SLC6A16: variants seen among roughly 807,000 people sequenced by gnomAD.
The protein encoded by SLC6A16 is solute carrier family 6 member 16, also known as orphan sodium- and chloride-dependent neurotransmitter transporter NTT5.
In SLC6A16, 54 loss-of-function variants were observed where a neutral mutation model predicts 65.4. The ratio of observed to expected loss-of-function variants is 0.83; its 90% confidence interval spans 0.66 to 1.04. The LOEUF (loss-of-function observed/expected upper bound fraction) is 1.04, where lower values mean the gene tolerates loss of function less well. SLC6A16 is among the 50% of genes least tolerant of loss of function. The probability of loss-of-function intolerance (pLI) is 0.00; values close to 1 mark genes in which losing one functional copy is unlikely to be tolerated. For missense variants in SLC6A16, 816 were observed against 914.0 expected, an observed-to-expected ratio of 0.89 and a Z score of 1.38; for synonymous variants, 330 against 346.5, an observed-to-expected ratio of 0.95 and a Z score of 0.53.
chr19:49,293,609 C>A (rs931643817), intron 9 of SLC6A16, among the ~76,000 whole-genome samples: 6 of 152,116 alleles, frequency 3.9e-5, no homozygotes, highest in African/African-American at 1.4e-4. Flanking sequence ...ACAAAAGCTA[C>A]AAAACTTAGC....
chr19:49,309,875 T>G (rs749835699), intron 4 of SLC6A16, 49 bp from the exon 5 acceptor site: 3 of 1,591,648 alleles, frequency 1.9e-6, no homozygotes, highest in Admixed American at 1.7e-5. Context: ...GTACCCCCTC[T>G]TCTTCCTTAT....
At chr19:49,304,807 A>AT (rs1182464174) in intron 7 of SLC6A16, among the ~76,000 whole-genome samples, 3 of 152,212 alleles carry the variant, frequency 2.0e-5, no homozygotes, top group Admixed American at 1.3e-4. Flanking sequence ...ATCATCCAAT[A>AT]TTTTTTTTAA....
At chr19:49,326,891 C>A (rs1036314701), upstream of SLC6A16, among the ~76,000 whole-genome samples, 1 of 151,858 alleles carries the variant, frequency 6.6e-6, no homozygotes, top group East Asian at 1.9e-4. Flanking sequence ...TGGTGGTGCA[C>A]GCCTGTAATC....
At chr19:49,337,614 ATAAAT>A in the SLC6A16 span, 1 of 1,464,004 alleles carries the variant, frequency 6.8e-7, no homozygotes, top group African/African-American at 1.4e-5. Flanking sequence ...GTCTCAAAAA[ATAAAT>A]TAATAGAAAG....
Position 49,311,131 on chromosome 19 carries a change from C to G in SLC6A16, c.217G>C (p.Glu73Gln). Residue 73 changes from glutamate to glutamine, a missense_variant, in exon 2 of 12, where the codon GAG (glutamate) becomes CAG (glutamine). By Grantham distance (29) the Glu-to-Gln change is conservative. Coordinates refer to ENST00000335875, the MANE Select transcript of SLC6A16 (RefSeq NM_014037.3). ...TSQPKQISVL[E>Q]ALTASALNQK... is the part of the protein sequence containing the mutation. ...TTCAGGGCTGAGGCAGTTAACGCCT[C>G]CAATACAGAAATTTGCTTGGGCTGA... 2 of 1,614,176 alleles carry G rather than the reference C, an allele frequency of 1.2e-6. No homozygotes were observed. Among genetic ancestry groups the G allele is most frequent in the Non-Finnish European group, 8.5e-7 (1 of 1,180,030 alleles).
At chr19:49,307,051 C>CTTTTTTTTTTTTTTTTTTTTTTTTTTTT (rs1197711801) in intron 7 of SLC6A16, among the ~76,000 whole-genome samples, 2 of 61,032 alleles carry the variant, frequency 3.3e-5, no homozygotes, top group South Asian at 7.2e-4. Flanking sequence ...GTTTTATACA[C>CTTTTTTTTTTTTTTTTTTTTTTTTTTTT]TTTTTTTTTT....
At chr19:49,318,983 G>T (rs958975934) in intron 1 of SLC6A16, among the ~76,000 whole-genome samples, 3 of 151,150 alleles carry the variant, frequency 2.0e-5, no homozygotes, top group South Asian at 4.2e-4. Context: ...AAAGTGCTGG[G>T]ATTACAGGCA....
At chr19:49,322,231 T>A (rs1365960279) in intron 1 of SLC6A16, among the ~76,000 whole-genome samples, 1 of 152,170 alleles carries the variant, frequency 6.6e-6, no homozygotes, top group Non-Finnish European at 1.5e-5. Flanking sequence ...AGTAGCAGGA[T>A]ACAAAGTCAA....
chr19:49,314,106 A>AATCATAATCAT (rs56287628), intron 1 of SLC6A16, among the ~76,000 whole-genome samples: 312 of 141,446 alleles, frequency 2.2e-3, no homozygotes, highest in African/African-American at 6.5e-3. Flanking sequence ...AAAAAAAAAA[A>AATCATAATCAT]AATCATAATC....
intron 4 of SLC6A16, 42 bp from the exon 5 acceptor site, chr19:49,309,868 C>A (rs909261205): frequency 6.3e-7 from 1 of 1,595,116 alleles, no homozygotes; most frequent in East Asian, 2.2e-5. Flanking sequence ...AGACAAGGTA[C>A]CCCCTCTTCT....
Position 49,305,235 on chromosome 19 carries a change from C to A in SLC6A16, c.1229+3641G>T, listed in dbSNP as rs573667246. Among the ~76,000 whole-genome samples, 15 of 152,332 alleles carry A rather than the reference C, an allele frequency of 9.8e-5. No individual in the cohort carries two copies. In the East Asian group the frequency reaches 2.9e-3, roughly 29 times the overall value. On this transcript the variant is annotated intron_variant, in intron 7 of 11. Coordinates refer to ENST00000335875, the MANE Select transcript of SLC6A16 (RefSeq NM_014037.3). ...CATGGAGAGGCCTCATGGAAGAGAG[C>A]AGCCCTTGCTGGCCAGCCAACTGAC... is the stretch of plus-strand genomic sequence containing the variant.
In SLC6A16 at chr19:49,311,216, A is replaced by G. The variant is rs1260657124; in HGVS notation, c.132T>C (p.Ser44=). Residue 44 remains serine (S), a synonymous_variant, in exon 2 of 12, where the codon TCT becomes TCC. Coordinates refer to ENST00000335875, the MANE Select transcript of SLC6A16 (RefSeq NM_014037.3). ...CTGAAACTTGGGCCTCTGAGGTCCAAGATGTTGCAGACCGGGTCAATGAAC... is the reference window on the plus strand; with the variant it reads ...CTGAAACTTGGGCCTCTGAGGTCCAGGATGTTGCAGACCGGGTCAATGAAC... ...DKGSLTRSAT[S]WTSEAQVSAA... The G allele has an allele frequency of 1.2e-6, 2 of 1,614,168 alleles. No homozygotes were observed. Among genetic ancestry groups the G allele is most frequent in the South Asian group, 1.1e-5 (1 of 91,074 alleles).
intron 1 of SLC6A16, among the ~76,000 whole-genome samples, chr19:49,322,259 C>A (rs1374677137): frequency 6.6e-6 from 1 of 152,154 alleles, no homozygotes; most frequent in African/African-American, 2.4e-5. Flanking sequence ...AACTCAGTTG[C>A]ATTTTTATAC....
chr19:49,300,844 G>A (rs184552995), intron 7 of SLC6A16, among the ~76,000 whole-genome samples: 1,960 of 152,206 alleles, frequency 0.013, 24 homozygotes, highest in Non-Finnish European at 0.015. Flanking sequence ...TTGAGGTCAG[G>A]AGTTCGAGAC....
At chr19:49,338,106 T>C in the SLC6A16 span, 18 of 1,555,304 alleles carry the variant, frequency 1.2e-5, no homozygotes, top group South Asian at 2.4e-5. This position sits in a 1 kb window ranked among gnomAD's most constrained non-coding sequence, Gnocchi z 5.0. Flanking sequence ...CACCCCAACG[T>C]GGGCCCGACC....
At chr19:49,308,397 G>A (rs1389108490) in intron 7 of SLC6A16, among the ~76,000 whole-genome samples, 4 of 152,152 alleles carry the variant, frequency 2.6e-5, no homozygotes, top group Non-Finnish European at 5.9e-5. Flanking sequence ...AGCTTGCAGT[G>A]AGCCAAGTTC....
In SLC6A16 at chr19:49,304,458, AT is replaced by A. The variant is rs200805679; in HGVS notation, c.1229+4417del. On this transcript the variant is annotated intron_variant, in intron 7 of 11. Transcript: ENST00000335875. The stretch of plus-strand genomic sequence containing the variant: ...TCAAAACAATTATGTTATCCTCCTC[AT>A]TTTTTTCCTTTAAAAACCTTTGTTG... Among the ~76,000 whole-genome samples, 914 of 152,046 alleles carry A rather than the reference AT, an allele frequency of 6.0e-3. 8 individuals carry two copies. The highest frequency in any genetic ancestry group is 0.02 in the African/African-American group (843 of 41,468).
At position 49,295,762 on chromosome 19, in the gene SLC6A16, G is replaced by A. The variant is rs77534327; in HGVS notation, c.1230-1209C>T. On this transcript the variant is annotated intron_variant, in intron 7 of 11. Transcript: ENST00000335875. Reference sequence around the variant, plus strand: ...TTTATGACTTTTCAGATACAAAAGGGGGCCATGGAGGCCAGATATAAAACA... The same window carrying A: ...TTTATGACTTTTCAGATACAAAAGGAGGCCATGGAGGCCAGATATAAAACA... Among the ~76,000 whole-genome samples the A allele has an allele frequency of 8.4e-3, 1,276 of 152,198 alleles. 18 individuals are homozygous for A. The highest frequency in any genetic ancestry group is 0.029 in the African/African-American group (1,190 of 41,518).
the SLC6A16 span, chr19:49,340,146 G>GC: frequency 1.6e-6 from 2 of 1,279,680 alleles, no homozygotes; most frequent in East Asian, 3.2e-5. Context: ...GCCCCTTCCC[G>GC]CCCAATTCAC....
Sources: gnomAD v4.1 joint callset for allele counts (sites outside exome capture counted in the v4.1 genomes callset) on GRCh38, gnomAD v4.1.1 for gene constraint, Gnocchi (gnomAD v3.1) non-coding constraint, MANE v1.5 for transcripts, NCBI Gene and HGNC (gene_info 2026-07-23, HGNC 2026-07-21) for gene names.